Variants in GPR153 observed in about 807,000 individuals in gnomAD.
The protein encoded by GPR153 is probable G protein-coupled receptor 153.
In GPR153, 27 loss-of-function variants were observed where a neutral mutation model predicts 34.1. The observed-to-expected ratio is 0.79, with a 90% CI of 0.58 to 1.09. GPR153 has a LOEUF of 1.09. Among genes scored for constraint, GPR153 ranks in the 50% least tolerant of loss-of-function variants. GPR153 has a pLI of 0.00. For synonymous variants in GPR153, 408 were observed against 405.4 expected (o/e 1.01, Z -0.08); for missense variants, 848 against 860.2 (o/e 0.99, Z 0.18).
intron 2 of GPR153, 82 bp downstream of exon 2, chr1:6,254,468 G>A: frequency 2.4e-6 from 3 of 1,264,570 alleles, no homozygotes; most frequent in Non-Finnish European, 3.3e-6. Flanking sequence ...GGCCACTCCT[G>A]TGTGCGCATG....
chr1:6,253,910 C>T lies in GPR153; in HGVS notation c.594G>A (p.Thr198=), dbSNP rs765639331. The T allele has an allele frequency of 1.7e-5, 28 of 1,609,406 alleles. No individual in the cohort carries two copies. Among genetic ancestry groups the T allele is most frequent in the East Asian group, 6.7e-5 (3 of 44,748 alleles). Residue 198 remains threonine, a synonymous_variant, in exon 3 of 6, where the codon ACG becomes ACA. Transcript: ENST00000377893. ...CCTGGCGCCCCACCTGCACGGCCAG[C>T]GTCTGGAAGAGGGCGATGGCTGTGC... is the stretch of plus-strand genomic sequence containing the variant. The part of the protein sequence containing the change: ...VICTAIALFQ[T]LAVQVGRQAD...
At chr1:6,259,027 A>G (rs1638618883) in intron 1 of GPR153, among the ~76,000 whole-genome samples, 1 of 152,216 alleles carries the variant, frequency 6.6e-6, no homozygotes. Flanking sequence ...CGGGGAGGCC[A>G]AGGTGAGTGG....
intron 1 of GPR153, among the ~76,000 whole-genome samples, chr1:6,257,904 A>G (rs1638597975): frequency 6.6e-6 from 1 of 152,204 alleles, no homozygotes; most frequent in Admixed American, 6.5e-5. Flanking sequence ...TGCTCTGCTC[A>G]CACTTAACTG....
intron 1 of GPR153, among the ~76,000 whole-genome samples, chr1:6,259,922 A>C (rs969907512): frequency 2.6e-4 from 39 of 151,450 alleles, no homozygotes; most frequent in African/African-American, 9.3e-4. Context: ...CCTGCAGGGC[A>C]CTTAAAGCCC....
chr1:6,249,637 C>T lies in GPR153; in HGVS notation c.1531G>A (p.Glu511Lys). The T allele has an allele frequency of 9.1e-7, 1 of 1,099,504 alleles. No individual in the cohort carries two copies. Among genetic ancestry groups the T allele is most frequent in the Non-Finnish European group, 1.1e-6 (1 of 904,742 alleles). The allele number at this position is 1,099,504 out of a possible 1,614,324, so 68.1% of individuals were successfully genotyped here. A position where few individuals can be genotyped will look rare whatever the true frequency, so the allele number is the denominator to read the frequency against. Residue 511 changes from glutamate (E) to lysine (K), a missense_variant, in exon 6 of 6, where the codon GAG becomes AAG. Coordinates refer to ENST00000377893, the MANE Select transcript of GPR153 (RefSeq NM_207370.4). The surrounding 1 kb of genome is among the most constrained non-coding windows in gnomAD (Gnocchi z 4.3). The part of the protein sequence containing the change: ...DAFALTAFEC[E>K]PQALRRPPGP... The stretch of plus-strand genomic sequence containing the variant: ...GGCGGGCGGCGCAGGGCCTGTGGCT[C>T]GCACTCGAAGGCGGTCAGGGCGAAG...
In GPR153 at chr1:6,254,123, C is replaced by T. The variant is rs114389068; in HGVS notation, c.381G>A (p.Ala127=). Residue 127 remains alanine, a synonymous_variant, in exon 3 of 6, where the codon GCG becomes GCA. Coordinates refer to ENST00000377893, the MANE Select transcript of GPR153 (RefSeq NM_207370.4). Reference sequence around the variant, plus strand: ...TCCAGATACCCATGACTGTGTGCACCGCCTGCTTCTTGGCATTGCTCAGCC... The same window carrying T: ...TCCAGATACCCATGACTGTGTGCACTGCCTGCTTCTTGGCATTGCTCAGCC... ...NYRLSNAKKQ[A]VHTVMGIWMV... The T allele has an allele frequency of 2.8e-4, 454 of 1,609,914 alleles. 4 individuals carry two copies. The African/African-American group carries it at 5.6e-3, about 20-fold the overall frequency.
In GPR153 at chr1:6,247,704, G is replaced by A. The variant is rs964370488; in HGVS notation, c.*1634C>T. ...CAAGTGGACAGACGCCCCCCAGATG[G>A]AGGAGACACTGGCTAGCTGGCGACC... On this transcript the variant is annotated 3_prime_UTR_variant, in exon 6 of 6. Transcript: ENST00000377893. 20 of 152,306 alleles carry A rather than the reference G, an allele frequency of 1.3e-4. No individual in the cohort carries two copies. The highest frequency in any genetic ancestry group is 4.1e-4 in the African/African-American group (17 of 41,462). 9.4% of individuals were successfully genotyped at this position (152,306 alleles called of 1,614,324 possible). A position where few individuals can be genotyped will look rare whatever the true frequency, so the allele number is the denominator to read the frequency against.
chr1:6,260,365 T>A (rs1383221699), intron 1 of GPR153, among the ~76,000 whole-genome samples: 1 of 20,368 alleles, frequency 4.9e-5, no homozygotes. Flanking sequence ...CCCAACCCCC[T>A]GGGGCTCCGA....
At chr1:6,250,362 T>TC in intron 5 of GPR153, 78 bp downstream of exon 5, 4 of 1,481,952 alleles carry the variant, frequency 2.7e-6, no homozygotes, top group Non-Finnish European at 3.6e-6. Flanking sequence ...TGAGATGGGC[T>TC]CCGAGTGGAG....
intron 2 of GPR153, 76 bp downstream of exon 2, chr1:6,254,474 G>T: frequency 7.7e-7 from 1 of 1,294,842 alleles, no homozygotes; most frequent in Non-Finnish European, 1.1e-6. Context: ...TCCTGTGTGC[G>T]CATGGGCACA....
Position 6,250,566 on chromosome 1 carries a change from A to G in GPR153, c.1038T>C (p.Tyr346=). Residue 346 remains tyrosine (Y), a synonymous_variant, in exon 5 of 6, where the codon TAT becomes TAC. Transcript: ENST00000377893. The part of the protein sequence containing the change: ...PDLVLERSLD[Y]GYGGDFVALD... ...GGGCCACAAAATCACCTCCATAGCCATAGTCCAGGGAGCGCTCCAACACCA... is the reference window on the plus strand; with the variant it reads ...GGGCCACAAAATCACCTCCATAGCCGTAGTCCAGGGAGCGCTCCAACACCA... 1.9e-6 allele frequency: 3 copies of G among 1,584,946 alleles called. No homozygotes were observed. Among genetic ancestry groups the G allele is most frequent in the Non-Finnish European group, 2.6e-6 (3 of 1,167,502 alleles).
Position 6,251,912 on chromosome 1 carries a change from C to T in GPR153, c.787-382G>A, listed in dbSNP as rs982436228. Among the ~76,000 whole-genome samples the T allele has an allele frequency of 1.3e-5, 2 of 152,200 alleles. No individual in the cohort carries two copies. The highest frequency in any genetic ancestry group is 2.4e-5 in the African/African-American group (1 of 41,432). On this transcript the variant is annotated intron_variant, in intron 3 of 5. Transcript: ENST00000377893. The surrounding 1 kb of genome is among the most constrained non-coding windows in gnomAD (Gnocchi z 4.9). ...CTGGGCTTAAGAGATCCTCCTGCCT[C>T]GGCCTCCCAAAGTGCTGGGATTACG...
chr1:6,259,564 C>T (rs1187533871), intron 1 of GPR153, among the ~76,000 whole-genome samples: 1 of 151,682 alleles, frequency 6.6e-6, no homozygotes, highest in African/African-American at 2.4e-5. Flanking sequence ...CAGGTCTCAC[C>T]GTCCCCACAC....
At position 6,254,868 on chromosome 1, in the gene GPR153, C is replaced by T. The variant is rs1052942325; in HGVS notation, c.38G>A (p.Gly13Asp). 2 of 1,590,328 alleles carry T rather than the reference C, an allele frequency of 1.3e-6. No individual in the cohort carries two copies. The highest frequency in any genetic ancestry group is 2.3e-5 in the South Asian group (2 of 87,938). Reference sequence around the variant, plus strand: ...GGAGAGGCCCCCACATACCAGCCAGCCCACTGCACTGCCAGGCAGCCGCCG... The same window carrying T: ...GGAGAGGCCCCCACATACCAGCCAGTCCACTGCACTGCCAGGCAGCCGCCG... ...DERRLPGSAV[G>D]WLVCGGLSLL... The change falls in exon 2 of 6, where the codon GGC (glycine) becomes GAC (aspartate). Residue 13 changes from glycine (G) to aspartate (D), a missense_variant. Gly to Asp is a moderately conservative substitution (Grantham distance 94). Coordinates refer to ENST00000377893, the MANE Select transcript of GPR153 (RefSeq NM_207370.4).
rs1638454248 is a variant in GPR153 at position 6,251,747 on chromosome 1, C to T, written c.787-217G>A. ...CTGGGCAGCACTGGGTGGCCTTGCTCTGTCTTCCTCCTGGCTGCCCATGGA... is the reference window on the plus strand; with the variant it reads ...CTGGGCAGCACTGGGTGGCCTTGCTTTGTCTTCCTCCTGGCTGCCCATGGA... On this transcript the variant is annotated intron_variant, in intron 3 of 5. Transcript: ENST00000377893. The surrounding 1 kb of genome is among the most constrained non-coding windows in gnomAD (Gnocchi z 4.9). Among the ~76,000 whole-genome samples, 1 of 152,222 alleles carries T rather than the reference C, an allele frequency of 6.6e-6. No individual in the cohort carries two copies. Among genetic ancestry groups the T allele is most frequent in the Admixed American group, 6.5e-5 (1 of 15,280 alleles).
intron 1 of GPR153, among the ~76,000 whole-genome samples, chr1:6,257,583 C>T (rs971645572): frequency 6.6e-6 from 1 of 152,240 alleles, no homozygotes; most frequent in African/African-American, 2.4e-5. Flanking sequence ...AGGTCTGGCA[C>T]ACACTGGGTG....
In GPR153 at chr1:6,254,564, C is replaced by A; in HGVS notation, c.342G>T (p.Trp114Cys). ...LSYHRMWMVC[W>C]PVNYRLSNAK... The stretch of plus-strand genomic sequence containing the variant: ...CACATGCTCACCGGTAGTTGACAGG[C>A]CAGCAGACCATCCACATGCGGTGGT... Residue 114 changes from tryptophan (W) to cysteine (C), a missense_variant, in exon 2 of 6, where the codon TGG (tryptophan) becomes TGT (cysteine). Physicochemically the swap from Trp to Cys is radical, Grantham distance 215. Transcript: ENST00000377893. 1.3e-6 allele frequency: 2 copies of A among 1,579,508 alleles called. No individual in the cohort carries two copies. The highest frequency in any genetic ancestry group is 1.2e-5 in the South Asian group (1 of 84,572).
intron 2 of GPR153, 102 bp downstream of exon 2, chr1:6,254,447 GC>G (rs939626470): frequency 1.9e-6 from 2 of 1,070,850 alleles, no homozygotes; most frequent in African/African-American, 3.2e-5. Flanking sequence ...CTCCCAGCAT[GC>G]CACAGGTGTG....
intron 1 of GPR153, among the ~76,000 whole-genome samples, chr1:6,258,418 C>T (rs1042088903): frequency 4.6e-5 from 7 of 152,204 alleles, no homozygotes; most frequent in Admixed American, 6.5e-5. Flanking sequence ...CATGAGCCAC[C>T]GCGCCCAGCC....
Sources: gnomAD v4.1 joint callset for allele counts (sites outside exome capture counted in the v4.1 genomes callset) on GRCh38, gnomAD v4.1.1 for gene constraint, Gnocchi (gnomAD v3.1) non-coding constraint, MANE v1.5 for transcripts, NCBI Gene and HGNC (gene_info 2026-07-23, HGNC 2026-07-21) for gene names.